The following NUDCD1 variants were observed in gnomAD, a reference collection of about 807,000 sequenced individuals.
NUDCD1 encodes nudC domain-containing protein 1.
Under a neutral mutation model 67.8 loss-of-function variants are expected in NUDCD1, and 60 were observed. The ratio of observed to expected loss-of-function variants is 0.88; its 90% CI spans 0.72 to 1.10. The LOEUF is 1.10. Among genes scored for constraint, NUDCD1 ranks in the 50% least tolerant of loss-of-function variants. The pLI, the probability that NUDCD1 is intolerant of heterozygous loss-of-function variation, is 0.00. For synonymous variants in NUDCD1, 244 were observed against 230.8 expected (o/e 1.06, Z -0.52); for missense variants, 643 against 695.0 (o/e 0.93, Z 0.84).
intron 2 of NUDCD1, among the ~76,000 whole-genome samples, chr8:109,301,080 C>A (rs917219976): frequency 1.3e-5 from 2 of 152,216 alleles, no homozygotes; most frequent in African/African-American, 4.8e-5. Flanking sequence ...AAGCCACTGT[C>A]AGGTCTCTGA....
chr8:109,312,513 T>G (rs1815282385), intron 2 of NUDCD1, among the ~76,000 whole-genome samples: 2 of 152,166 alleles, frequency 1.3e-5, no homozygotes, highest in South Asian at 4.1e-4. Context: ...AGTTTTATGT[T>G]TTATATACTG....
intron 8 of NUDCD1, among the ~76,000 whole-genome samples, chr8:109,252,688 A>C (rs1813648820): frequency 6.6e-6 from 1 of 152,154 alleles, no homozygotes; most frequent in Non-Finnish European, 1.5e-5. Flanking sequence ...CTTACATGGC[A>C]GTCCTCCTGT....
chr8:109,306,018 G>A (rs1815093853), intron 2 of NUDCD1, among the ~76,000 whole-genome samples: 1 of 151,934 alleles, frequency 6.6e-6, no homozygotes, highest in South Asian at 2.1e-4. Context: ...TTTGCAACAG[G>A]GCTTTATGCA....
Position 109,333,920 on chromosome 8 carries a change from G to C in NUDCD1, c.91C>G (p.Pro31Ala), listed in dbSNP as rs554025024. The C allele has an allele frequency of 1.0e-4, 165 of 1,614,166 alleles. 1 individual carries two copies. In the Middle Eastern group the frequency reaches 3.6e-3, roughly 36 times the overall value. ...EGYKLSLEPL[P>A]CYQLELDAAV... is the part of the protein sequence containing the mutation. ...GCGTCAAGCTCCAGCTGGTAACAAG[G>C]CAGCGGCTCAAGAGAGAGCTTGTAA... The change falls in exon 1 of 10, where the codon CCT (proline) becomes GCT (alanine). Residue 31 changes from proline to alanine, a missense_variant. Coordinates refer to ENST00000239690, the MANE Select transcript of NUDCD1 (RefSeq NM_032869.4).
intron 8 of NUDCD1, among the ~76,000 whole-genome samples, chr8:109,254,695 T>C (rs1005892244): frequency 3.3e-5 from 5 of 152,098 alleles, no homozygotes; most frequent in Non-Finnish European, 7.4e-5. Flanking sequence ...CAATTAATTG[T>C]CTTATTCTCT....
At chr8:109,271,294 A>T (rs1814150817) in intron 7 of NUDCD1, among the ~76,000 whole-genome samples, 164 bp from the exon 8 acceptor site, 1 of 152,222 alleles carries the variant, frequency 6.6e-6, no homozygotes, top group Non-Finnish European at 1.5e-5. Flanking sequence ...AGAATGATGA[A>T]GTCAACAGAA....
At chr8:109,307,807 C>T (rs1815147146) in intron 2 of NUDCD1, among the ~76,000 whole-genome samples, 1 of 152,064 alleles carries the variant, frequency 6.6e-6, no homozygotes, top group South Asian at 2.1e-4. Context: ...GCACCAAAAA[C>T]GAGCAGAAGT....
At chr8:109,249,746 A>T (rs1351012410) in intron 8 of NUDCD1, among the ~76,000 whole-genome samples, 1 of 152,228 alleles carries the variant, frequency 6.6e-6, no homozygotes, top group Non-Finnish European at 1.5e-5. Flanking sequence ...AATCCAAAGT[A>T]AACAAACTAG....
At chr8:109,249,482 G>A (rs1369359810) in intron 8 of NUDCD1, among the ~76,000 whole-genome samples, 1 of 152,070 alleles carries the variant, frequency 6.6e-6, no homozygotes, top group African/African-American at 2.4e-5. Flanking sequence ...GCATATTTGA[G>A]ACAAATTTCT....
chr8:109,329,478 G>C (rs1005037184), intron 1 of NUDCD1, among the ~76,000 whole-genome samples: 1 of 152,104 alleles, frequency 6.6e-6, no homozygotes, highest in Non-Finnish European at 1.5e-5. Context: ...AAGAAAAAAG[G>C]CATGTTATGT....
chr8:109,328,680 C>T (rs1468177606), intron 1 of NUDCD1, among the ~76,000 whole-genome samples: 1 of 152,086 alleles, frequency 6.6e-6, no homozygotes, highest in Admixed American at 6.6e-5. Flanking sequence ...GGGAAATAAC[C>T]CTAGACTGAG....
At chr8:109,246,349 CTAT>C (rs1227457399) in intron 8 of NUDCD1, among the ~76,000 whole-genome samples, 1 of 152,078 alleles carries the variant, frequency 6.6e-6, no homozygotes. Context: ...ACTCGCAAGG[CTAT>C]TATTATCTTC....
At chr8:109,247,072 C>T (rs1212480480) in intron 8 of NUDCD1, among the ~76,000 whole-genome samples, 1 of 152,188 alleles carries the variant, frequency 6.6e-6, no homozygotes, top group Non-Finnish European at 1.5e-5. Flanking sequence ...AGACCACAGA[C>T]TATTTCTTTT....
intron 2 of NUDCD1, among the ~76,000 whole-genome samples, chr8:109,300,554 A>G (rs1814962001): frequency 6.6e-6 from 1 of 152,186 alleles, no homozygotes; most frequent in African/African-American, 2.4e-5. Flanking sequence ...AAGACAATGG[A>G]AAAATAATAA....
intron 2 of NUDCD1, among the ~76,000 whole-genome samples, chr8:109,299,777 T>A (rs1266961509): frequency 1.3e-5 from 2 of 152,090 alleles, no homozygotes; most frequent in Non-Finnish European, 2.9e-5. Flanking sequence ...AAGCACCACC[T>A]CCTAATAGAG....
intron 3 of NUDCD1, 65 bp from the exon 4 acceptor site, chr8:109,293,589 G>C (rs1291106285): frequency 1.3e-6 from 1 of 794,142 alleles, no homozygotes; most frequent in Non-Finnish European, 1.9e-6. Context: ...TAGCATAGAG[G>C]GAATATATAG....
chr8:109,293,464 T>C lies in NUDCD1; in HGVS notation c.520A>G (p.Asn174Asp), dbSNP rs1160199314. ...GTAGCTATAGAATGTTCTTCAGCAT[T>C]TAGCAGTGAGATACTGTGAATTATA... ...FIIIHSISLL[N>D]AEEHSIATLL... is the part of the protein sequence containing the mutation. The change falls in exon 4 of 10, where the codon AAT (asparagine) becomes GAT (aspartate). Residue 174 changes from asparagine to aspartate, a missense_variant. Physicochemically the swap from Asn to Asp is conservative, Grantham distance 23. Transcript: ENST00000239690. 6.3e-7 allele frequency: 1 copy of C among 1,590,764 alleles called. No individual in the cohort carries two copies. The highest frequency in any genetic ancestry group is 2.3e-5 in the East Asian group (1 of 43,674).
At chr8:109,332,523 C>A (rs1216511307) in intron 1 of NUDCD1, among the ~76,000 whole-genome samples, 1 of 152,116 alleles carries the variant, frequency 6.6e-6, no homozygotes. Context: ...GACCCTACCC[C>A]CACCCTCCAA....
chr8:109,263,947 TAAAGA>T (rs943587110), intron 8 of NUDCD1, among the ~76,000 whole-genome samples: 8 of 152,166 alleles, frequency 5.3e-5, no homozygotes, highest in African/African-American at 1.7e-4. Flanking sequence ...GTACTCACTG[TAAAGA>T]AAAGGCCAGT....
Sources: allele counts gnomAD v4.1 joint callset (sites outside exome capture counted in the v4.1 genomes callset), GRCh38; gene constraint gnomAD v4.1.1; transcripts MANE v1.5; gene names NCBI Gene and HGNC (gene_info 2026-07-23, HGNC 2026-07-21).